RERE: variants seen among roughly 807,000 people sequenced by gnomAD.
RERE encodes the protein arginine-glutamic acid dipeptide repeats, also known as arginine-glutamic acid dipeptide repeats protein.
RERE carries 40 observed loss-of-function variants against 146.1 expected under a neutral mutation model. That is an observed-to-expected ratio of 0.27 (90% confidence interval 0.21 to 0.36). The LOEUF (loss-of-function observed/expected upper bound fraction) is 0.36. RERE is among the 10% of genes least tolerant of loss of function. The pLI, the probability that RERE is intolerant of heterozygous loss-of-function variation, is 1.00. For synonymous variants in RERE, 1,003 were observed against 866.0 expected, an observed-to-expected ratio of 1.16 and a Z score of -2.78; for missense variants, 1,933 against 2,138.7, an observed-to-expected ratio of 0.90 and a Z score of 1.90.
intron 1 of RERE, among the ~76,000 whole-genome samples, chr1:8,793,416 T>C (rs1252756710): frequency 6.6e-6 from 1 of 152,170 alleles, no homozygotes. Context: ...AAAGATGTCT[T>C]GGATTTCAAA....
In RERE at chr1:8,386,120, A is replaced by C. The variant is rs1349587313; in HGVS notation, c.1285-20146T>G. ...AAGCTTCCATGTAGGTGAAGACAAA[A>C]ATTTTTATAAATTTCATGAATACTT... On this transcript the variant is annotated intron_variant, in intron 12 of 22. Transcript: ENST00000400908. Among the ~76,000 whole-genome samples, 3 of 142,964 alleles carry C rather than the reference A, an allele frequency of 2.1e-5. No homozygotes were observed. In the East Asian group the frequency reaches 6.3e-4, roughly 30 times the overall value. 93.8% of individuals were successfully genotyped at this position (142,964 alleles called of 152,430 possible).
chr1:8,786,756 A>G (rs1194665950), intron 1 of RERE: 19 of 780,242 alleles, frequency 2.4e-5, no homozygotes, highest in Non-Finnish European at 4.2e-5. Context: ...ACATCTGCCT[A>G]TATTCCTTGT....
At chr1:8,747,760 A>AGC (rs1640450286) in intron 1 of RERE, among the ~76,000 whole-genome samples, 1 of 152,076 alleles carries the variant, frequency 6.6e-6, no homozygotes, top group African/African-American at 2.4e-5. Flanking sequence ...CCTAGTTGTT[A>AGC]CTAAAGATAA....
chr1:8,404,285 C>T (rs900100520), intron 12 of RERE, among the ~76,000 whole-genome samples: 1 of 152,044 alleles, frequency 6.6e-6, no homozygotes, highest in Non-Finnish European at 1.5e-5. Context: ...GGCGTGGTGG[C>T]GGGCGCCTGT....
chr1:8,711,888 A>T (rs1639674572), intron 1 of RERE, among the ~76,000 whole-genome samples: 1 of 152,238 alleles, frequency 6.6e-6, no homozygotes, highest in Admixed American at 6.5e-5. Flanking sequence ...TATTATTAGG[A>T]CATGTTTTCT....
chr1:8,511,401 G>A (rs1645333361), intron 7 of RERE, among the ~76,000 whole-genome samples: 1 of 152,150 alleles, frequency 6.6e-6, no homozygotes, highest in Non-Finnish European at 1.5e-5. Context: ...TTTTTAAATT[G>A]TATGTAACTT....
chr1:8,766,284 T>TA, intron 1 of RERE, among the ~76,000 whole-genome samples: 2 of 152,096 alleles, frequency 1.3e-5, no homozygotes, highest in Admixed American at 1.3e-4. Flanking sequence ...CTCACGCCTA[T>TA]AATCCCCGCA....
intron 11 of RERE, among the ~76,000 whole-genome samples, chr1:8,429,585 T>C (rs1644065782): frequency 6.6e-6 from 1 of 152,190 alleles, no homozygotes; most frequent in African/African-American, 2.4e-5. Context: ...GGCTAAAAGA[T>C]ACCTCTGCAT....
intron 4 of RERE, among the ~76,000 whole-genome samples, chr1:8,612,640 C>A (rs1340602357): frequency 6.6e-6 from 1 of 152,144 alleles, no homozygotes; most frequent in Non-Finnish European, 1.5e-5. Flanking sequence ...ATCCATTCAG[C>A]AATTCCTGTT....
chr1:8,362,111 G>T (rs1215542082), intron 16 of RERE, among the ~76,000 whole-genome samples: 1 of 152,234 alleles, frequency 6.6e-6, no homozygotes, highest in Non-Finnish European at 1.5e-5. Flanking sequence ...AGCAACCATG[G>T]ACTGAAAATG....
At chr1:8,704,654 CACAG>C (rs1392307621) in intron 1 of RERE, among the ~76,000 whole-genome samples, 2 of 152,182 alleles carry the variant, frequency 1.3e-5, no homozygotes, top group Non-Finnish European at 2.9e-5. Context: ...GCTTTGTTGC[CACAG>C]ACAGCCAAAC....
chr1:8,481,266 A>G (rs1353947649), intron 10 of RERE, among the ~76,000 whole-genome samples: 3 of 152,068 alleles, frequency 2.0e-5, no homozygotes, highest in Non-Finnish European at 4.4e-5. Context: ...ACAGGAGCAT[A>G]CCACCATGCC....
chr1:8,563,541 C>G (rs1646102839), intron 4 of RERE, among the ~76,000 whole-genome samples: 2 of 152,302 alleles, frequency 1.3e-5, no homozygotes, highest in South Asian at 4.1e-4. Flanking sequence ...TCTGTGTTAT[C>G]AAATGTGACA....
At chr1:8,693,845 G>A (rs1231859738) in intron 1 of RERE, among the ~76,000 whole-genome samples, 2 of 151,900 alleles carry the variant, frequency 1.3e-5, no homozygotes. Context: ...GGGGGGATGC[G>A]GGAACTCTGT....
rs564574812 is a variant in RERE, at chr1:8,605,745, CA to C, written c.522+8815del. 2.9e-3 allele frequency among the ~76,000 whole-genome samples: 186 copies of C among 64,528 alleles called. No individual in the cohort carries two copies. The East Asian group carries it at 0.048, about 17-fold the overall frequency. The allele number at this position is 64,528 out of a possible 152,430, so 42.3% of individuals were successfully genotyped here. ...GGGCAACAGAGCAAGACCCCATCTCCAAAAAAAAAAAAAAAAAAAAAAAAAA... is the reference window on the plus strand; with the variant it reads ...GGGCAACAGAGCAAGACCCCATCTCCAAAAAAAAAAAAAAAAAAAAAAAAA... On this transcript the variant is annotated intron_variant, in intron 4 of 22. Transcript: ENST00000400908.
intron 1 of RERE, among the ~76,000 whole-genome samples, chr1:8,669,897 C>G (rs1638675414): frequency 6.6e-6 from 1 of 152,154 alleles, no homozygotes; most frequent in South Asian, 2.1e-4. Flanking sequence ...TACAATTACA[C>G]TTCACACCTA....
At chr1:8,389,849 C>A (rs528616504) in intron 12 of RERE, among the ~76,000 whole-genome samples, 1 of 152,156 alleles carries the variant, frequency 6.6e-6, no homozygotes, top group Non-Finnish European at 1.5e-5. Flanking sequence ...GCAGCAATGA[C>A]GACCCTGTCT....
chr1:8,499,339 T>C (rs1039603187), intron 8 of RERE, among the ~76,000 whole-genome samples: 4 of 152,190 alleles, frequency 2.6e-5, no homozygotes, highest in African/African-American at 2.4e-5. Flanking sequence ...CAAAATGCCA[T>C]ATCCCAATCT....
chr1:8,803,510 A>G (rs1431179352), intron 1 of RERE, among the ~76,000 whole-genome samples: 1 of 151,998 alleles, frequency 6.6e-6, no homozygotes, highest in African/African-American at 2.4e-5. Flanking sequence ...TTCATTATCG[A>G]CCATCACAGA....
Sources: gnomAD v4.1 joint callset for allele counts (sites outside exome capture counted in the v4.1 genomes callset) on GRCh38, gnomAD v4.1.1 for gene constraint, MANE v1.5 for transcripts, NCBI Gene and HGNC (gene_info 2026-07-23, HGNC 2026-07-21) for gene names.